The following CFAP52 variants were observed in gnomAD, a reference collection of about 807,000 sequenced individuals.
CFAP52 encodes the protein cilia- and flagella-associated protein 52.
CFAP52 carries 57 observed loss-of-function variants against 70.5 expected under a neutral mutation model. That is an observed-to-expected ratio of 0.81 (90% CI 0.65 to 1.01). The LOEUF (loss-of-function observed/expected upper bound fraction) is 1.01. Among genes scored for constraint, CFAP52 ranks in the 50% least tolerant of loss-of-function variants. CFAP52 has a pLI of 0.00. For missense variants in CFAP52, 785 were observed against 788.5 expected (o/e 1.00, Z 0.05); for synonymous variants, 267 against 292.5 (o/e 0.91, Z 0.89).
intron 6 of CFAP52, among the ~76,000 whole-genome samples, chr17:9,606,981 T>A (rs1909516970): frequency 6.6e-6 from 1 of 152,212 alleles, no homozygotes; most frequent in South Asian, 2.1e-4. Flanking sequence ...GGCAGGATAT[T>A]TGTTTTATCA....
At chr17:9,604,905 C>A (rs1909424687) in intron 6 of CFAP52, among the ~76,000 whole-genome samples, 2 of 152,160 alleles carry the variant, frequency 1.3e-5, no homozygotes, top group Admixed American at 1.3e-4. Context: ...CGACTACATA[C>A]CTTTTCAAAT....
At chr17:9,600,651 G>A (rs973129273) in intron 6 of CFAP52, among the ~76,000 whole-genome samples, 9 of 152,182 alleles carry the variant, frequency 5.9e-5, no homozygotes, top group East Asian at 5.8e-4. Context: ...AGCAAGCTCC[G>A]CCTCCTGGGT....
At chr17:9,580,378 G>C (rs1007061580) in intron 1 of CFAP52, among the ~76,000 whole-genome samples, 2 of 150,086 alleles carry the variant, frequency 1.3e-5, no homozygotes, top group African/African-American at 4.9e-5. Flanking sequence ...ATGGCTATTA[G>C]CTCAAAAAGC....
chr17:9,588,386 A>T (rs768255997), intron 3 of CFAP52, among the ~76,000 whole-genome samples: 3 of 152,144 alleles, frequency 2.0e-5, no homozygotes, highest in Non-Finnish European at 4.4e-5. Context: ...AGAGAGACAA[A>T]GAGTTAAGTT....
intron 6 of CFAP52, among the ~76,000 whole-genome samples, chr17:9,606,038 T>C (rs1221274154): frequency 2.0e-5 from 3 of 152,082 alleles, no homozygotes; most frequent in Non-Finnish European, 4.4e-5. Context: ...TTGTATCTTC[T>C]GTTTAATTTT....
intron 1 of CFAP52, among the ~76,000 whole-genome samples, chr17:9,577,891 A>C (rs1434287921): frequency 1.3e-5 from 2 of 152,314 alleles, no homozygotes; most frequent in African/African-American, 4.8e-5. Context: ...CAGGAGTTCG[A>C]GACCATCCTG....
intron 11 of CFAP52, among the ~76,000 whole-genome samples, chr17:9,636,526 A>G (rs1360165080): frequency 6.6e-6 from 1 of 152,190 alleles, no homozygotes; most frequent in Non-Finnish European, 1.5e-5. Context: ...ATTTTTGACT[A>G]TAAGCATTTT....
chr17:9,586,063 C>T, intron 2 of CFAP52, 91 bp downstream of exon 2: 2 of 1,305,926 alleles, frequency 1.5e-6, no homozygotes, highest in Non-Finnish European at 1.1e-6. Context: ...TTCTATGTGG[C>T]AATGTGCTTT....
At chr17:9,596,661 A>C (rs1909030693) in intron 4 of CFAP52, among the ~76,000 whole-genome samples, 1 of 151,744 alleles carries the variant, frequency 6.6e-6, no homozygotes, top group Admixed American at 6.6e-5. Flanking sequence ...TTGCAACTCA[A>C]TACCTTGAAA....
intron 4 of CFAP52, 45 bp from the exon 5 acceptor site, chr17:9,598,189 G>A: frequency 7.0e-7 from 1 of 1,429,202 alleles, no homozygotes; most frequent in Non-Finnish European, 9.7e-7. Flanking sequence ...ATTATTAAAT[G>A]GGTGTCCATT....
chr17:9,626,907 G>T lies in CFAP52; in HGVS notation c.1026-1765G>T, dbSNP rs146740011. On this transcript the variant is annotated intron_variant, in intron 8 of 13. Transcript: ENST00000352665. ...AGAGAAAAGGACTCTTTTTTGAAAT[G>T]TGTTCATGAAAAAATGTAGACATTG... Among the ~76,000 whole-genome samples, 466 of 152,110 alleles carry T rather than the reference G, an allele frequency of 3.1e-3. 1 individual carries two copies. Among genetic ancestry groups the T allele is most frequent in the South Asian group, 7.7e-3 (37 of 4,816 alleles).
At chr17:9,595,831 T>A (rs1160739621) in intron 4 of CFAP52, among the ~76,000 whole-genome samples, 1 of 151,100 alleles carries the variant, frequency 6.6e-6, no homozygotes, top group African/African-American at 2.4e-5. Context: ...TGAGATGTCC[T>A]GCAAGTTTAA....
chr17:9,643,737 G>A (rs1301511021), downstream of CFAP52, among the ~76,000 whole-genome samples: 2 of 152,138 alleles, frequency 1.3e-5, no homozygotes, highest in Admixed American at 6.5e-5. Context: ...CTAAAGCATC[G>A]GCAGAATTCC....
At chr17:9,640,515 G>A (rs761708038) in intron 12 of CFAP52, among the ~76,000 whole-genome samples, 5 of 151,706 alleles carry the variant, frequency 3.3e-5, no homozygotes, top group African/African-American at 7.3e-5. Context: ...CTGTTCCTGC[G>A]TTAGTTTGCT....
At chr17:9,617,058 G>A (rs1307438579) in intron 8 of CFAP52, among the ~76,000 whole-genome samples, 1 of 87,682 alleles carries the variant, frequency 1.1e-5, no homozygotes, top group Non-Finnish European at 2.0e-5. Flanking sequence ...TCTGAGCTAC[G>A]GGAGGACATT....
chr17:9,637,647 T>C (rs1365476965), intron 11 of CFAP52, among the ~76,000 whole-genome samples: 3 of 152,240 alleles, frequency 2.0e-5, no homozygotes, highest in African/African-American at 7.2e-5. Context: ...TGATCTTGGC[T>C]CACTGCAGCC....
chr17:9,601,828 C>G (rs1420959502), intron 6 of CFAP52, among the ~76,000 whole-genome samples: 1 of 152,194 alleles, frequency 6.6e-6, no homozygotes, highest in African/African-American at 2.4e-5. Context: ...AAAGCTTGTA[C>G]TATGTTCTGC....
At chr17:9,612,141 C>T (rs1161979295) in intron 7 of CFAP52, among the ~76,000 whole-genome samples, 168 bp from the exon 8 acceptor site, 1 of 152,190 alleles carries the variant, frequency 6.6e-6, no homozygotes, top group Admixed American at 6.5e-5. Context: ...CTTTGCTGTT[C>T]GTGGGTACAC....
chr17:9,622,555 GAA>G (rs916366108), intron 8 of CFAP52, among the ~76,000 whole-genome samples: 3 of 150,302 alleles, frequency 2.0e-5, no homozygotes, highest in Non-Finnish European at 3.0e-5. Context: ...AAAAAAAAAA[GAA>G]GAAGAAGAAG....
Sources: allele counts gnomAD v4.1 joint callset (sites outside exome capture counted in the v4.1 genomes callset), GRCh38; gene constraint gnomAD v4.1.1; transcripts MANE v1.5; gene names NCBI Gene and HGNC (gene_info 2026-07-23, HGNC 2026-07-21).